Variants in GATAD2B observed in about 807,000 individuals in gnomAD.
GATAD2B encodes GATA zinc finger domain containing 2B, also known as transcriptional repressor p66-beta.
In GATAD2B, 8 loss-of-function variants were observed where a neutral mutation model predicts 64.3. That is an observed-to-expected ratio of 0.12 (90% CI 0.07 to 0.22). The LOEUF (loss-of-function observed/expected upper bound fraction) is 0.22, where lower values mean the gene tolerates loss of function less well. Ranked by LOEUF, GATAD2B falls within the 10% of genes least tolerant of loss-of-function variation. The pLI is 1.00. For synonymous variants in GATAD2B, 281 were observed against 271.3 expected (o/e 1.04, Z -0.35); for missense variants, 453 against 752.0 (o/e 0.60, Z 4.65).
intron 1 of GATAD2B, among the ~76,000 whole-genome samples, chr1:153,901,906 G>A (rs532443602): frequency 5.3e-5 from 8 of 150,426 alleles, no homozygotes; most frequent in East Asian, 2.0e-4. Context: ...GAACGTGCCC[G>A]GTCCTGTCTA....
intron 1 of GATAD2B, among the ~76,000 whole-genome samples, chr1:153,896,817 T>A (rs1416371712): frequency 4.6e-5 from 7 of 152,164 alleles, no homozygotes; most frequent in Admixed American, 4.6e-4. Context: ...CAGGAGATCA[T>A]GCTATATTCT....
rs185784286 is a variant in GATAD2B, at chr1:153,890,064, C to T, written c.-2+32669G>A. ...GGGCATGCCTGCAATCCCAGCCACT[C>T]GGGAGGCTGAGACAGAAGAATCACT... On this transcript the variant is annotated intron_variant, in intron 1 of 10. Transcript: ENST00000368655. 1.6e-3 allele frequency among the ~76,000 whole-genome samples: 242 copies of T among 150,968 alleles called. 2 individuals carry two copies. Among genetic ancestry groups the T allele is most frequent in the African/African-American group, 5.5e-3 (227 of 41,090 alleles).
intron 1 of GATAD2B, among the ~76,000 whole-genome samples, chr1:153,863,209 G>A (rs933722603): frequency 2.0e-5 from 3 of 152,206 alleles, no homozygotes; most frequent in South Asian, 2.1e-4. Context: ...GGCCGAGCAC[G>A]GTGGCTCACG....
chr1:153,905,536 C>A (rs1204855526), intron 1 of GATAD2B, among the ~76,000 whole-genome samples: 2 of 128,462 alleles, frequency 1.6e-5, no homozygotes, highest in African/African-American at 5.9e-5. Flanking sequence ...GAAGCCCAAA[C>A]AGCCAAAACA....
At chr1:153,893,986 A>C (rs1677503471) in intron 1 of GATAD2B, among the ~76,000 whole-genome samples, 1 of 148,082 alleles carries the variant, frequency 6.8e-6, no homozygotes, top group South Asian at 2.2e-4. Context: ...AAAAAAACCC[A>C]AAAAATGTCC....
At position 153,818,928 on chromosome 1, in the gene GATAD2B, G is replaced by T; in HGVS notation, c.466-6C>A. ...CGCTCCTCAATGCCTTTCCCCTAAG[G>T]AAACAAGAAGACTTTCAGCTATGGC... On this transcript the variant is annotated splice_polypyrimidine_tract_variant and splice_region_variant and intron_variant, in intron 3 of 10. Transcript: ENST00000368655. The T allele has an allele frequency of 1.2e-6, 2 of 1,607,794 alleles. No homozygotes were observed. Among genetic ancestry groups the T allele is most frequent in the Non-Finnish European group, 8.5e-7 (1 of 1,179,668 alleles).
intron 1 of GATAD2B, among the ~76,000 whole-genome samples, chr1:153,887,470 A>G (rs893172253): frequency 1.3e-5 from 2 of 152,234 alleles, no homozygotes; most frequent in Non-Finnish European, 2.9e-5. Flanking sequence ...TTTTGGCTAA[A>G]GTAAAAACTA....
At chr1:153,815,250 A>G in intron 7 of GATAD2B, among the ~76,000 whole-genome samples, 1 of 146,352 alleles carries the variant, frequency 6.8e-6, no homozygotes, top group Non-Finnish European at 1.5e-5. Context: ...TCAAGCCTGG[A>G]CAACAGGGTC....
chr1:153,865,010 C>T (rs555478119), intron 1 of GATAD2B, among the ~76,000 whole-genome samples: 1 of 151,994 alleles, frequency 6.6e-6, no homozygotes, highest in Non-Finnish European at 1.5e-5. Context: ...GCGGAGGTTG[C>T]GGTAAGCCGA....
At chr1:153,879,026 G>A (rs1366276010) in intron 1 of GATAD2B, among the ~76,000 whole-genome samples, 2 of 151,578 alleles carry the variant, frequency 1.3e-5, no homozygotes, top group Non-Finnish European at 2.9e-5. Context: ...TGCAACCTCC[G>A]CCTCCCGGGT....
At chr1:153,899,232 T>C (rs1194013093) in intron 1 of GATAD2B, among the ~76,000 whole-genome samples, 6 of 152,158 alleles carry the variant, frequency 3.9e-5, no homozygotes, top group African/African-American at 1.2e-4. Flanking sequence ...CATTCCAGCC[T>C]GGGCAACATG....
Position 153,853,216 on chromosome 1 carries a change from G to A in GATAD2B, c.-1-24868C>T, listed in dbSNP as rs1015673221. The A allele has an allele frequency of 7.9e-6, 9 of 1,137,128 alleles. No individual in the cohort carries two copies. In the African/African-American group the frequency reaches 1.4e-4, roughly 17 times the overall value. 70.4% of individuals were successfully genotyped at this position (1,137,128 alleles called of 1,614,324 possible). ...AGCTCTAGCTTCTGGATGATGGGCA[G>A]AGCACACTGGTCATGGCCACCGAGG... On this transcript the variant is annotated intron_variant, in intron 1 of 10. Coordinates refer to ENST00000368655, the MANE Select transcript of GATAD2B (RefSeq NM_020699.4).
intron 2 of GATAD2B, among the ~76,000 whole-genome samples, chr1:153,825,565 A>G (rs1398051430): frequency 6.6e-6 from 1 of 152,176 alleles, no homozygotes; most frequent in Non-Finnish European, 1.5e-5. Context: ...CTAGGAACAC[A>G]GGTGTGTGCC....
chr1:153,854,979 C>T (rs939648826), intron 1 of GATAD2B, among the ~76,000 whole-genome samples: 1 of 152,088 alleles, frequency 6.6e-6, no homozygotes, highest in African/African-American at 2.4e-5. Flanking sequence ...GGTGGTGATA[C>T]AGACTGTTCT....
intron 1 of GATAD2B, among the ~76,000 whole-genome samples, chr1:153,900,382 T>G: frequency 6.6e-6 from 1 of 151,882 alleles, no homozygotes; most frequent in Non-Finnish European, 1.5e-5. Context: ...ATCATGCCAT[T>G]GCACTCCAGC....
At chr1:153,815,760 CCCGGCCG>C (rs1298033544) in intron 7 of GATAD2B, among the ~76,000 whole-genome samples, 1 of 152,054 alleles carries the variant, frequency 6.6e-6, no homozygotes, top group Non-Finnish European at 1.5e-5. Flanking sequence ...GCAGGCTGGC[CCCGGCCG>C]GCTGACGGGG....
At chr1:153,901,824 A>AAAAT (rs566630183) in intron 1 of GATAD2B, among the ~76,000 whole-genome samples, 11 of 73,102 alleles carry the variant, frequency 1.5e-4, no homozygotes, top group African/African-American at 1.7e-4. Context: ...ACTCTTGCTA[A>AAAAT]AAATAAATAA....
At chr1:153,899,964 T>C (rs1433851755) in intron 1 of GATAD2B, among the ~76,000 whole-genome samples, 1 of 152,184 alleles carries the variant, frequency 6.6e-6, no homozygotes, top group Non-Finnish European at 1.5e-5. Flanking sequence ...ACTGGAAGGC[T>C]GGTTATCATA....
At chr1:153,812,169 C>A in intron 8 of GATAD2B, 37 bp from the exon 9 acceptor site, 12 of 1,036,230 alleles carry the variant, frequency 1.2e-5, no homozygotes, top group Non-Finnish European at 1.8e-5. Context: ...TTGAGCAGGA[C>A]AGCACCCAAT....
Sources: allele counts gnomAD v4.1 joint callset (sites outside exome capture counted in the v4.1 genomes callset), GRCh38; gene constraint gnomAD v4.1.1; transcripts MANE v1.5; gene names NCBI Gene and HGNC (gene_info 2026-07-23, HGNC 2026-07-21).